The following NUP43 variants were observed in gnomAD, a reference collection of about 807,000 sequenced individuals.
NUP43 encodes the protein nucleoporin 43.
Under a neutral mutation model 47.3 loss-of-function variants are expected in NUP43, and 32 were observed. That is an observed-to-expected ratio of 0.68 (90% CI 0.51 to 0.91). The LOEUF (loss-of-function observed/expected upper bound fraction) is 0.91, where lower values mean the gene tolerates loss of function less well. Ranked by LOEUF, NUP43 falls within the 40% of genes least tolerant of loss-of-function variation. The pLI is 0.00. For missense variants in NUP43, 444 were observed against 453.9 expected (o/e 0.98, Z 0.20); for synonymous variants, 147 against 158.4 (o/e 0.93, Z 0.54).
chr6:149,728,745 G>A (rs1353270770), intron 7 of NUP43, among the ~76,000 whole-genome samples: 1 of 152,090 alleles, frequency 6.6e-6, no homozygotes, highest in East Asian at 1.9e-4. Context: ...AGCTCCAACC[G>A]TGGTGTCCTT....
At chr6:149,735,598 C>CAAAAAAAAA (rs57726234) in intron 6 of NUP43, among the ~76,000 whole-genome samples, 1 of 51,306 alleles carries the variant, frequency 1.9e-5, no homozygotes, top group African/African-American at 8.5e-5. Flanking sequence ...ACCCTGTCTC[C>CAAAAAAAAA]AAAAAAAAAA....
chr6:149,731,603 A>G lies in NUP43; in HGVS notation c.913+10T>C. On this transcript the variant is annotated intron_variant, in intron 7 of 7. Transcript: ENST00000340413. The stretch of plus-strand genomic sequence containing the variant: ...AAGTACACATAACAGTATTCATTAA[A>G]AAGTTTTACCTTGGTGAAAGAGTGA... 1.2e-6 allele frequency: 2 copies of G among 1,609,222 alleles called. No homozygotes were observed. The highest frequency in any genetic ancestry group is 1.7e-6 in the Non-Finnish European group (2 of 1,178,532).
At chr6:149,727,561 T>C (rs1582955690) in intron 7 of NUP43, 2 of 953,040 alleles carry the variant, frequency 2.1e-6, no homozygotes, top group African/African-American at 3.5e-5. Context: ...AGGTAATACA[T>C]GGAAATATAA....
rs1338322318 is a variant in NUP43 at position 149,735,619 on chromosome 6, A to AAAC, written c.790+851_790+852insGTT. Among the ~76,000 whole-genome samples the AAAC allele has an allele frequency of 1.1e-4, 16 of 150,404 alleles. No homozygotes were observed. In the East Asian group the frequency reaches 2.0e-3, roughly 18 times the overall value. On this transcript the variant is annotated intron_variant, in intron 6 of 7. Transcript: ENST00000340413. The stretch of plus-strand genomic sequence containing the variant: ...TCTCCAAAAAAAAAAAAAAAAAAAA[A>AAAC]ACACACACAGAGATAAATATCTAAG...
upstream of NUP43, among the ~76,000 whole-genome samples, chr6:149,747,165 C>T (rs950201261): frequency 2.0e-5 from 3 of 152,308 alleles, no homozygotes; most frequent in African/African-American, 4.8e-5. Flanking sequence ...CTTTTGGTTA[C>T]ACCTATAATA....
At chr6:149,746,584 G>A, upstream of NUP43, 1 of 1,611,396 alleles carries the variant, frequency 6.2e-7, no homozygotes, top group Non-Finnish European at 8.5e-7. Context: ...CTGATTGGAT[G>A]GGACTTTAGG....
intron 2 of NUP43, among the ~76,000 whole-genome samples, chr6:149,744,049 G>A (rs997247156): frequency 6.6e-6 from 1 of 151,990 alleles, no homozygotes; most frequent in Non-Finnish European, 1.5e-5. Context: ...CTAGGTGGAC[G>A]GATCACTTGA....
intron 2 of NUP43, 85 bp downstream of exon 2, chr6:149,745,855 C>T (rs1785962205): frequency 1.6e-6 from 2 of 1,243,822 alleles, no homozygotes; most frequent in Non-Finnish European, 2.2e-6. Context: ...AGGGGTGACA[C>T]CAGACAACTT....
At chr6:149,727,656 CTAAA>C (rs1562372500) in intron 7 of NUP43, 1 of 769,710 alleles carries the variant, frequency 1.3e-6, no homozygotes, top group Non-Finnish European at 1.6e-6. Context: ...AAATATATTT[CTAAA>C]TATATATTTG....
intron 4 of NUP43, among the ~76,000 whole-genome samples, chr6:149,740,642 CAA>C (rs1785600040): frequency 6.6e-6 from 1 of 151,918 alleles, no homozygotes; most frequent in South Asian, 2.1e-4. Flanking sequence ...AACAAACAAA[CAA>C]AACACACACA....
chr6:149,736,611 C>G lies in NUP43; in HGVS notation c.650G>C (p.Arg217Pro). ...PSQILSLTGD[R>P]VPLHCVDRHP... ...TCTATCAACACAGTGGAGTGGCACTCGGTCACCAGTCCTTTTGTGGGAGAT... is the reference window on the plus strand; with the variant it reads ...TCTATCAACACAGTGGAGTGGCACTGGGTCACCAGTCCTTTTGTGGGAGAT... The change falls in exon 6 of 8, where the codon CGA becomes CCA. Residue 217 changes from arginine (R) to proline (P), a missense_variant. Physicochemically the swap from Arg to Pro is moderately radical, Grantham distance 103. Coordinates refer to ENST00000340413, the MANE Select transcript of NUP43 (RefSeq NM_198887.3). The G allele has an allele frequency of 6.3e-7, 1 of 1,582,744 alleles. No individual in the cohort carries two copies. The highest frequency in any genetic ancestry group is 1.1e-5 in the South Asian group (1 of 89,032).
At chr6:149,741,180 A>G (rs1416491768) in intron 4 of NUP43, among the ~76,000 whole-genome samples, 2 of 151,664 alleles carry the variant, frequency 1.3e-5, no homozygotes, top group African/African-American at 4.8e-5. Flanking sequence ...CATATATTTT[A>G]TATTTTTTTG....
At chr6:149,729,335 A>G (rs1582958139) in intron 7 of NUP43, 1 of 156,080 alleles carries the variant, frequency 6.4e-6, no homozygotes, top group African/African-American at 2.4e-5. Flanking sequence ...TGTAGGAGGT[A>G]GAAGTTGGTA....
At chr6:149,727,729 T>C (rs1029591904) in intron 7 of NUP43, 4 of 980,212 alleles carry the variant, frequency 4.1e-6, no homozygotes, top group Non-Finnish European at 3.6e-6. Flanking sequence ...TTATGCTTTT[T>C]AGATAAATGT....
intron 2 of NUP43, among the ~76,000 whole-genome samples, chr6:149,744,993 C>CG (rs1312502577): frequency 6.7e-6 from 1 of 150,280 alleles, no homozygotes; most frequent in Non-Finnish European, 1.5e-5. Flanking sequence ...CCTCTGCGCC[C>CG]GGGTTCAAGC....
intron 5 of NUP43, among the ~76,000 whole-genome samples, chr6:149,737,596 A>C (rs1036167534): frequency 6.6e-6 from 1 of 152,154 alleles, no homozygotes; most frequent in African/African-American, 2.4e-5. Flanking sequence ...ACTAAGTGTC[A>C]ACTTAGTGGC....
chr6:149,727,911 C>G, intron 7 of NUP43: 1 of 984,966 alleles, frequency 1.0e-6, no homozygotes, highest in Non-Finnish European at 1.2e-6. Context: ...AAATTTAATT[C>G]ACTCAACAAA....
chr6:149,744,975 C>T (rs1785891548), intron 2 of NUP43, among the ~76,000 whole-genome samples: 1 of 150,500 alleles, frequency 6.6e-6, no homozygotes, highest in Admixed American at 6.6e-5. Context: ...ACTCTCGGCT[C>T]ACTGCAACCT....
intron 1 of NUP43, 23 bp downstream of exon 1, chr6:149,746,353 C>T (rs773308848): frequency 6.2e-7 from 1 of 1,611,994 alleles, no homozygotes; most frequent in East Asian, 2.2e-5. Context: ...GAGGTAGGGG[C>T]TCGTCCCTAT....
Sources: allele counts gnomAD v4.1 joint callset (sites outside exome capture counted in the v4.1 genomes callset), GRCh38; gene constraint gnomAD v4.1.1; transcripts MANE v1.5; gene names NCBI Gene and HGNC (gene_info 2026-07-23, HGNC 2026-07-21).